FAM50B: variants seen among roughly 807,000 people sequenced by gnomAD.
FAM50B encodes the protein protein FAM50B.
In FAM50B, 9 loss-of-function variants were observed where a neutral mutation model predicts 25.4. That is an observed-to-expected ratio of 0.35 (90% CI 0.21 to 0.62). FAM50B has a LOEUF of 0.62. Among genes scored for constraint, FAM50B ranks in the 20% least tolerant of loss-of-function variants. The probability of loss-of-function intolerance (pLI) is 0.73; values close to 1 mark genes in which losing one functional copy is unlikely to be tolerated. For synonymous variants in FAM50B, 212 were observed against 204.3 expected (o/e 1.04, Z -0.32); for missense variants, 372 against 477.9 (o/e 0.78, Z 2.07).
chr6:3,843,122 C>A, the FAM50B span, among the ~76,000 whole-genome samples: 429 of 152,348 alleles, frequency 2.8e-3, 3 homozygotes, highest in African/African-American at 9.3e-3. Flanking sequence ...ATAATACACT[C>A]TTCTTCAAAT....
the FAM50B span, among the ~76,000 whole-genome samples, chr6:3,841,729 A>G: frequency 6.6e-6 from 1 of 152,204 alleles, no homozygotes; most frequent in Admixed American, 6.5e-5. Context: ...TAGAATTTCA[A>G]TTCCTGAACT....
In FAM50B at chr6:3,849,922, G is replaced by A. The variant is rs1762179953; in HGVS notation, c.111G>A (p.Glu37=). 4 of 1,613,778 alleles carry A rather than the reference G, an allele frequency of 2.5e-6. No individual in the cohort carries two copies. Among genetic ancestry groups the A allele is most frequent in the Non-Finnish European group, 2.5e-6 (3 of 1,179,978 alleles). The change falls in exon 2 of 2, where the codon GAG becomes GAA. Residue 37 remains glutamate, a synonymous_variant. Coordinates refer to ENST00000648326, the MANE Select transcript of FAM50B (RefSeq NM_012135.3). ...QMEVLKQRIA[E]ETILKSQVDK... ...AGGTGCTGAAGCAGCGCATCGCCGA[G>A]GAGACCATCCTCAAGTCGCAGGTGG...
chr6:3,849,997 C>T lies in FAM50B; in HGVS notation c.186C>T (p.Ser62=), dbSNP rs1762181809. The change falls in exon 2 of 2, where the codon TCC becomes TCT. Residue 62 remains serine, a synonymous_variant. Transcript: ENST00000648326. Reference sequence around the variant, plus strand: ...ACGCCGTGGAGGCCGAGCTGAAGTCCAGCACGGTGGGCCTGGTGACCCTGA... The same window carrying T: ...ACGCCGTGGAGGCCGAGCTGAAGTCTAGCACGGTGGGCCTGGTGACCCTGA... ...HYDAVEAELK[S]STVGLVTLND... 6.2e-7 allele frequency: 1 copy of T among 1,613,754 alleles called. No individual in the cohort carries two copies. Among genetic ancestry groups the T allele is most frequent in the African/African-American group, 1.3e-5 (1 of 74,938 alleles).
the FAM50B span, among the ~76,000 whole-genome samples, chr6:3,838,353 C>T: frequency 6.6e-6 from 1 of 151,904 alleles, no homozygotes; most frequent in Admixed American, 6.6e-5. Context: ...AAAGAATGTC[C>T]ATCAAGAAGT....
At chr6:3,845,739 G>A (rs1762112773), upstream of FAM50B, among the ~76,000 whole-genome samples, 1 of 151,942 alleles carries the variant, frequency 6.6e-6, no homozygotes, top group Non-Finnish European at 1.5e-5. Flanking sequence ...TTTTTTAGAT[G>A]AAGTCTTTCT....
chr6:3,850,885 C>T lies in FAM50B; in HGVS notation c.*96C>T. ...TGATTTCGTGACCTTGATTTCTTCCCCCAAATTTAATAAAGACAGAGGGTT... is the reference window on the plus strand; with the variant it reads ...TGATTTCGTGACCTTGATTTCTTCCTCCAAATTTAATAAAGACAGAGGGTT... On this transcript the variant is annotated 3_prime_UTR_variant, in exon 2 of 2. Transcript: ENST00000648326. 1 of 1,512,384 alleles carries T rather than the reference C, an allele frequency of 6.6e-7. No homozygotes were observed. The highest frequency in any genetic ancestry group is 2.3e-5 in the East Asian group (1 of 43,670). 93.7% of individuals were successfully genotyped at this position (1,512,384 alleles called of 1,614,324 possible). A position where few individuals can be genotyped will look rare whatever the true frequency, so the allele number is the denominator to read the frequency against.
the FAM50B span, among the ~76,000 whole-genome samples, chr6:3,841,740 T>G: frequency 6.6e-6 from 1 of 152,210 alleles, no homozygotes; most frequent in Non-Finnish European, 1.5e-5. Flanking sequence ...TTCCTGAACT[T>G]ATTAGACAAT....
At chr6:3,838,103 CAA>C in the FAM50B span, among the ~76,000 whole-genome samples, 2 of 152,152 alleles carry the variant, frequency 1.3e-5, no homozygotes, top group African/African-American at 4.8e-5. Flanking sequence ...TTAAGTTAAA[CAA>C]AGACTTACCA....
At chr6:3,836,731 C>T in the FAM50B span, among the ~76,000 whole-genome samples, 4 of 152,140 alleles carry the variant, frequency 2.6e-5, no homozygotes, top group East Asian at 5.8e-4. Flanking sequence ...TGGGGAAGCC[C>T]CAAGCACAAT....
intron 1 of FAM50B, 54 bp from the exon 2 acceptor site, chr6:3,849,735 C>T (rs1762175444): frequency 6.7e-7 from 1 of 1,490,584 alleles, no homozygotes; most frequent in South Asian, 1.3e-5. Flanking sequence ...CTGAGCATTC[C>T]CCGCCGTTGC....
the FAM50B span, among the ~76,000 whole-genome samples, chr6:3,840,020 T>C: frequency 1.3e-5 from 2 of 152,050 alleles, no homozygotes; most frequent in African/African-American, 4.8e-5. Context: ...TGAGACGGAG[T>C]CTCACTCTGT....
At chr6:3,845,511 T>C (rs1026041696), upstream of FAM50B, among the ~76,000 whole-genome samples, 2 of 152,210 alleles carry the variant, frequency 1.3e-5, no homozygotes, top group Non-Finnish European at 2.9e-5. Context: ...AGAGGCTATC[T>C]TATTTATGTT....
the FAM50B span, among the ~76,000 whole-genome samples, chr6:3,841,156 G>T: frequency 6.6e-6 from 1 of 152,234 alleles, no homozygotes; most frequent in Non-Finnish European, 1.5e-5. Flanking sequence ...GAATTGTCCT[G>T]TGTATACATT....
At chr6:3,843,289 A>G in the FAM50B span, among the ~76,000 whole-genome samples, 1 of 152,356 alleles carries the variant, frequency 6.6e-6, no homozygotes, top group East Asian at 1.9e-4. Context: ...AAGCAACTGA[A>G]AGGACTGGAG....
chr6:3,849,916 C>T lies in FAM50B; in HGVS notation c.105C>T (p.Ile35=). 1 of 1,613,648 alleles carries T rather than the reference C, an allele frequency of 6.2e-7. No homozygotes were observed. Among genetic ancestry groups the T allele is most frequent in the Non-Finnish European group, 8.5e-7 (1 of 1,179,948 alleles). ...REQMEVLKQR[I]AEETILKSQV... is the part of the protein sequence containing the mutation. Reference sequence around the variant, plus strand: ...AGATGGAGGTGCTGAAGCAGCGCATCGCCGAGGAGACCATCCTCAAGTCGC... The same window carrying T: ...AGATGGAGGTGCTGAAGCAGCGCATTGCCGAGGAGACCATCCTCAAGTCGC... The change falls in exon 2 of 2, where the codon ATC becomes ATT. Residue 35 remains isoleucine (I), a synonymous_variant. Transcript: ENST00000648326.
chr6:3,850,297 G>A lies in FAM50B; in HGVS notation c.486G>A (p.Glu162=). Reference sequence around the variant, plus strand: ...CAGACCGCGACCGCGAGGAGGAGGAGAACCGGCTCCGAGAGGAGCTGCGCC... The same window carrying A: ...CAGACCGCGACCGCGAGGAGGAGGAAAACCGGCTCCGAGAGGAGCTGCGCC... The part of the protein sequence containing the change: ...FLPDRDREEE[E]NRLREELRQE... The change falls in exon 2 of 2, where the codon GAG becomes GAA. Residue 162 remains glutamate, a synonymous_variant. Coordinates refer to ENST00000648326, the MANE Select transcript of FAM50B (RefSeq NM_012135.3). The A allele has an allele frequency of 6.2e-7, 1 of 1,613,332 alleles. No homozygotes were observed. The highest frequency in any genetic ancestry group is 8.5e-7 in the Non-Finnish European group (1 of 1,179,790).
At chr6:3,849,745 C>T in intron 1 of FAM50B, 44 bp from the exon 2 acceptor site, 3 of 1,508,242 alleles carry the variant, frequency 2.0e-6, no homozygotes, top group South Asian at 1.3e-5. Flanking sequence ...CCCGCCGTTG[C>T]GTGGGCCCCC....
the FAM50B span, among the ~76,000 whole-genome samples, chr6:3,843,229 AAC>A: frequency 1.3e-5 from 2 of 152,244 alleles, no homozygotes; most frequent in African/African-American, 4.8e-5. Flanking sequence ...GATTAGTCAC[AAC>A]ATAGCAATGT....
upstream of FAM50B, among the ~76,000 whole-genome samples, chr6:3,848,982 G>A (rs1762157369): frequency 6.6e-6 from 1 of 152,236 alleles, no homozygotes; most frequent in Admixed American, 6.5e-5. Flanking sequence ...GCGGGAGGAG[G>A]AGGGTTGGAG....
Sources: gnomAD v4.1 joint callset for allele counts (sites outside exome capture counted in the v4.1 genomes callset) on GRCh38, gnomAD v4.1.1 for gene constraint, MANE v1.5 for transcripts, NCBI Gene and HGNC (gene_info 2026-07-23, HGNC 2026-07-21) for gene names.